Variants in FTO observed in about 807,000 individuals in gnomAD.
FTO encodes the protein alpha-ketoglutarate-dependent dioxygenase FTO.
In FTO, 47 loss-of-function variants were observed where a neutral mutation model predicts 63.9. The ratio of observed to expected loss-of-function variants is 0.74; its 90% CI spans 0.58 to 0.94. The LOEUF is 0.94. Ranked by LOEUF, FTO falls within the 40% of genes least tolerant of loss-of-function variation. The pLI, the probability that FTO is intolerant of heterozygous loss-of-function variation, is 0.00. For missense variants in FTO, 562 were observed against 618.1 expected, an observed-to-expected ratio of 0.91 and a Z score of 0.96; for synonymous variants, 207 against 224.4, an observed-to-expected ratio of 0.92 and a Z score of 0.69.
chr16:53,755,478 C>G (rs2076900549), intron 1 of FTO, among the ~76,000 whole-genome samples: 2 of 152,090 alleles, frequency 1.3e-5, no homozygotes, highest in African/African-American at 4.8e-5. Context: ...GTTGTCAAGT[C>G]CATATATTTC....
intron 7 of FTO, among the ~76,000 whole-genome samples, chr16:53,926,033 G>A (rs1042788696): frequency 5.3e-5 from 8 of 151,968 alleles, no homozygotes; most frequent in African/African-American, 1.9e-4. Context: ...AAAGACTCTG[G>A]GAAATTCTTA....
intron 8 of FTO, among the ~76,000 whole-genome samples, chr16:54,089,862 TAAA>T (rs367617501): frequency 7.1e-6 from 1 of 140,856 alleles, no homozygotes; most frequent in Non-Finnish European, 1.6e-5. Flanking sequence ...GGATGGCAAT[TAAA>T]AAAAAAAAAA....
chr16:53,934,122 G>A lies in FTO; in HGVS notation c.1364+13G>A, dbSNP rs530302259. On this transcript the variant is annotated intron_variant, in intron 8 of 8. Transcript: ENST00000471389. ...AATGGCATGCCAGGTTAGTTCTGTT[G>A]TGAAATGGGATTTGTTGTTCTTGAC... The A allele has an allele frequency of 1.9e-6, 3 of 1,614,000 alleles. No homozygotes were observed. Among genetic ancestry groups the A allele is most frequent in the African/African-American group, 1.3e-5 (1 of 75,022 alleles).
Position 54,114,113 on chromosome 16 carries a change from A to G in FTO, c.*2198A>G, listed in dbSNP as rs1174413970. On this transcript the variant is annotated 3_prime_UTR_variant, in exon 9 of 9. Coordinates refer to ENST00000471389, the MANE Select transcript of FTO (RefSeq NM_001080432.3). The stretch of plus-strand genomic sequence containing the variant: ...GCCACCGCGCCAAGCCAAGGTCTGC[A>G]TTTTTCTTTAGAACTCAGAACACCC... 2.0e-5 allele frequency: 3 copies of G among 152,136 alleles called. No individual in the cohort carries two copies. The highest frequency in any genetic ancestry group is 4.4e-5 in the Non-Finnish European group (3 of 68,056). 9.4% of individuals were successfully genotyped at this position (152,136 alleles called of 1,614,324 possible).
At chr16:54,104,157 A>G (rs2086696453) in intron 8 of FTO, among the ~76,000 whole-genome samples, 1 of 152,208 alleles carries the variant, frequency 6.6e-6, no homozygotes, top group Non-Finnish European at 1.5e-5. Context: ...AACAGAGGAC[A>G]TTAGGGTCCC....
chr16:53,996,352 A>G (rs17824224), intron 8 of FTO, among the ~76,000 whole-genome samples: 7,632 of 152,300 alleles, frequency 0.05, 240 homozygotes, highest in Middle Eastern at 0.12. Flanking sequence ...AGTCCTGACA[A>G]CATCATATTT....
At chr16:53,742,353 G>A (rs2076547814) in intron 1 of FTO, among the ~76,000 whole-genome samples, 1 of 152,170 alleles carries the variant, frequency 6.6e-6, no homozygotes, top group African/African-American at 2.4e-5. Flanking sequence ...CTGCAAGAAA[G>A]TCTGGGAAGG....
intron 8 of FTO, among the ~76,000 whole-genome samples, chr16:54,102,730 A>G (rs1476896413): frequency 6.6e-6 from 1 of 152,210 alleles, no homozygotes; most frequent in African/African-American, 2.4e-5. Context: ...AGACATTGAC[A>G]GCAGCTGGGT....
intron 1 of FTO, among the ~76,000 whole-genome samples, chr16:53,711,172 T>C (rs746541210): frequency 6.6e-6 from 1 of 152,148 alleles, no homozygotes; most frequent in Non-Finnish European, 1.5e-5. Context: ...TGTATATATA[T>C]ATATATGTAT....
chr16:53,958,258 G>C (rs1053273571), intron 8 of FTO, among the ~76,000 whole-genome samples: 2 of 152,080 alleles, frequency 1.3e-5, no homozygotes, highest in Admixed American at 6.6e-5. Flanking sequence ...ACTTTTCCTC[G>C]ACCAATTTTG....
intron 1 of FTO, among the ~76,000 whole-genome samples, chr16:53,745,742 T>C (rs2076635030): frequency 1.3e-5 from 2 of 152,158 alleles, no homozygotes; most frequent in African/African-American, 4.8e-5. Context: ...TTGCCATTTG[T>C]GGTGTTGGGT....
At chr16:54,090,924 G>A (rs1227348246) in intron 8 of FTO, among the ~76,000 whole-genome samples, 1 of 152,154 alleles carries the variant, frequency 6.6e-6, no homozygotes, top group African/African-American at 2.4e-5. Flanking sequence ...CTCTCCAAGT[G>A]GCCTTTCCAT....
chr16:53,778,998 A>G (rs2077526461), intron 1 of FTO, among the ~76,000 whole-genome samples: 1 of 152,176 alleles, frequency 6.6e-6, no homozygotes. Flanking sequence ...TTCTCTAAAA[A>G]AAGAACCCAT....
intron 8 of FTO, among the ~76,000 whole-genome samples, chr16:53,988,675 T>C (rs2143879996): frequency 6.6e-6 from 1 of 152,262 alleles, no homozygotes; most frequent in South Asian, 2.1e-4. Flanking sequence ...TATCTCCTAT[T>C]TTATAGGTGA....
chr16:54,048,103 A>G (rs1395842750), intron 8 of FTO, among the ~76,000 whole-genome samples: 2 of 94,140 alleles, frequency 2.1e-5, no homozygotes, highest in Non-Finnish European at 3.7e-5. Flanking sequence ...CCTAAAACTT[A>G]GAGTATAATA....
At chr16:54,034,642 C>G (rs2084905757) in intron 8 of FTO, among the ~76,000 whole-genome samples, 1 of 152,094 alleles carries the variant, frequency 6.6e-6, no homozygotes. Context: ...AGCTGTTCTC[C>G]TAGTAGTTTT....
intron 4 of FTO, among the ~76,000 whole-genome samples, chr16:53,852,150 C>T (rs1477904930): frequency 6.9e-6 from 1 of 145,176 alleles, no homozygotes; most frequent in African/African-American, 2.6e-5. Flanking sequence ...GTGGCAAACA[C>T]CCGTGGTCAC....
chr16:53,824,952 C>G (rs1036727719), intron 2 of FTO, among the ~76,000 whole-genome samples: 1 of 152,182 alleles, frequency 6.6e-6, no homozygotes, highest in Non-Finnish European at 1.5e-5. Context: ...GCAGCCCTAA[C>G]CTACATTAAT....
At chr16:53,880,427 A>G (rs1173393252) in intron 6 of FTO, among the ~76,000 whole-genome samples, 1 of 152,228 alleles carries the variant, frequency 6.6e-6, no homozygotes, top group Non-Finnish European at 1.5e-5. Context: ...GTTATTACGT[A>G]TATCAATAGC....
Sources: allele counts gnomAD v4.1 joint callset (sites outside exome capture counted in the v4.1 genomes callset), GRCh38; gene constraint gnomAD v4.1.1; transcripts MANE v1.5; gene names NCBI Gene and HGNC (gene_info 2026-07-23, HGNC 2026-07-21).